ZNF718: variants seen among roughly 807,000 people sequenced by gnomAD.
The protein encoded by ZNF718 is zinc finger protein 718.
In ZNF718, 3 loss-of-function variants were observed where a neutral mutation model predicts 2.6. The observed-to-expected ratio is 1.16, with a 90% CI of 0.53 to 3.01. The LOEUF is 3.01. Ranked by LOEUF, ZNF718 falls within the 30% of genes most tolerant of loss-of-function variation. The pLI, the probability that ZNF718 is intolerant of heterozygous loss-of-function variation, is 0.03. For synonymous variants in ZNF718, 135 were observed against 77.9 expected (o/e 1.73, Z -3.86); for missense variants, 468 against 230.0 (o/e 2.03, Z -6.69).
rs143096996 is a variant in ZNF718, at chr4:149,817, TTTTGCAA to T, written c.227-11088_227-11082del. The T allele has an allele frequency of 6.6e-5, 10 of 152,270 alleles. No homozygotes were observed. The East Asian group carries it at 1.9e-3, about 29-fold the overall frequency. 9.4% of individuals were successfully genotyped at this position (152,270 alleles called of 1,614,324 possible). A position where few individuals can be genotyped will look rare whatever the true frequency, so the allele number is the denominator to read the frequency against. On this transcript the variant is annotated intron_variant, in intron 3 of 3. Transcript: ENST00000510175. ...ACATATTATTCTGTGAGACAAACAC[TTTTGCAA>T]TTTGCAGGTAATTTCTGAGGAATGT...
chr4:135,521 G>A (rs1174190837), intron 3 of ZNF718, among the ~76,000 whole-genome samples: 2 of 136,988 alleles, frequency 1.5e-5, no homozygotes, highest in Non-Finnish European at 3.2e-5. Flanking sequence ...TCCAAAGGAG[G>A]CAATCAGATG....
chr4:141,368 A>G (rs1341934976), intron 3 of ZNF718, among the ~76,000 whole-genome samples: 3 of 152,244 alleles, frequency 2.0e-5, no homozygotes, highest in Non-Finnish European at 2.9e-5. Context: ...GGCTAATTAA[A>G]CATTTTCATA....
chr4:144,206 T>A (rs1435678866), intron 3 of ZNF718, among the ~76,000 whole-genome samples: 2 of 152,228 alleles, frequency 1.3e-5, no homozygotes, highest in Non-Finnish European at 2.9e-5. Context: ...GAGTGTACTT[T>A]CATTTTTAGT....
At chr4:195,650 A>G (rs1717776061) in intron 3 of ZNF718, among the ~76,000 whole-genome samples, 1 of 152,040 alleles carries the variant, frequency 6.6e-6, no homozygotes, top group Non-Finnish European at 1.5e-5. Context: ...GTTTCCTCTA[A>G]AAGTTATTTT....
chr4:188,296 G>T (rs558812754), intron 3 of ZNF718, among the ~76,000 whole-genome samples: 1 of 150,970 alleles, frequency 6.6e-6, no homozygotes, highest in Non-Finnish European at 1.5e-5. Flanking sequence ...TGGTAAAACA[G>T]CTGTGCTGTG....
chr4:151,430 A>C (rs1168825774), intron 3 of ZNF718, among the ~76,000 whole-genome samples: 1 of 151,372 alleles, frequency 6.6e-6, no homozygotes, highest in Non-Finnish European at 1.5e-5. Flanking sequence ...CAGTCTTTTC[A>C]ATAACAGTCA....
rs782486621 is a variant in ZNF718 at position 161,781 on chromosome 4, C to G, written c.1096C>G (p.Pro366Ala). 1.3e-6 allele frequency: 1 copy of G among 780,672 alleles called. No homozygotes were observed. The highest frequency in any genetic ancestry group is 2.4e-6 in the Non-Finnish European group (1 of 417,972). 48.4% of individuals were successfully genotyped at this position (780,672 alleles called of 1,614,324 possible). A position where few individuals can be genotyped will look rare whatever the true frequency, so the allele number is the denominator to read the frequency against. ...THKRIHTGEK[P>A]YTCEECGKAF... is the part of the protein sequence containing the mutation. ...TAAGAGAATCCATACTGGAGAGAAA[C>G]CCTACACATGTGAAGAATGTGGAAA... The change falls in exon 4 of 4, where the codon CCC becomes GCC. Residue 366 changes from proline (P) to alanine (A), a missense_variant. Transcript: ENST00000510175.
At chr4:176,752 C>T (rs533371058) in intron 3 of ZNF718, among the ~76,000 whole-genome samples, 1 of 152,302 alleles carries the variant, frequency 6.6e-6, no homozygotes, top group South Asian at 2.1e-4. Context: ...AAACCCTTCT[C>T]CCAGATACTA....
chr4:155,178 G>A (rs1716507658), intron 3 of ZNF718, among the ~76,000 whole-genome samples: 1 of 152,224 alleles, frequency 6.6e-6, no homozygotes. Context: ...TTTGCTGCAG[G>A]GGTGTGGCCC....
chr4:197,064 T>C (rs965102754), intron 3 of ZNF718, among the ~76,000 whole-genome samples: 16 of 148,916 alleles, frequency 1.1e-4, no homozygotes, highest in Admixed American at 3.3e-4. Flanking sequence ...AACAAAGACC[T>C]GCCCATAACA....
intron 3 of ZNF718, chr4:150,389 TTCA>T (rs1716262883): frequency 6.6e-6 from 1 of 152,156 alleles, no homozygotes; most frequent in African/African-American, 2.4e-5. Flanking sequence ...CATGTGTATT[TTCA>T]TGTTTTTGTT....
exon 5 of ZNF718, chr4:202,251 G>C (rs1333586558): frequency 6.6e-6 from 1 of 152,206 alleles, no homozygotes; most frequent in Non-Finnish European, 1.5e-5. Context: ...ATGATTGAGA[G>C]GCCTCCCCAG....
downstream of ZNF718, among the ~76,000 whole-genome samples, chr4:168,699 T>C (rs1480446925): frequency 6.6e-6 from 1 of 152,174 alleles, no homozygotes; most frequent in Non-Finnish European, 1.5e-5. Flanking sequence ...GGTGGTGATA[T>C]CCCCTTTATC....
At chr4:149,441 G>T (rs1258584991) in intron 3 of ZNF718, among the ~76,000 whole-genome samples, 1 of 151,978 alleles carries the variant, frequency 6.6e-6, no homozygotes, top group Non-Finnish European at 1.5e-5. Context: ...AATTTTTATT[G>T]TATTCAACTC....
At chr4:170,751 A>AT (rs549786105) in intron 3 of ZNF718, among the ~76,000 whole-genome samples, 215 of 151,802 alleles carry the variant, frequency 1.4e-3, no homozygotes, top group African/African-American at 4.9e-3. Flanking sequence ...CATTCGTCTA[A>AT]TTTTTTTTCA....
chr4:172,408 G>T (rs916371700), intron 3 of ZNF718, among the ~76,000 whole-genome samples: 1 of 152,136 alleles, frequency 6.6e-6, no homozygotes, highest in Admixed American at 6.5e-5. Flanking sequence ...ATACATTTGT[G>T]TTAAAGCATG....
chr4:187,427 A>T (rs2108815164), intron 3 of ZNF718, among the ~76,000 whole-genome samples: 1 of 152,156 alleles, frequency 6.6e-6, no homozygotes, highest in Non-Finnish European at 1.5e-5. Context: ...GGGTTTCACC[A>T]TATTGGCCAG....
At chr4:182,992 T>C (rs1717498281) in intron 3 of ZNF718, among the ~76,000 whole-genome samples, 1 of 152,178 alleles carries the variant, frequency 6.6e-6, no homozygotes, top group South Asian at 2.1e-4. Context: ...GTGCAGAAGC[T>C]CTTTAGTTTA....
intron 3 of ZNF718, among the ~76,000 whole-genome samples, chr4:133,195 A>AAATAT (rs1258303094): frequency 9.6e-5 from 2 of 20,774 alleles, no homozygotes; most frequent in African/African-American, 3.4e-4. Flanking sequence ...AAAAAAAAAA[A>AAATAT]ATATATATAT....
Sources: allele counts gnomAD v4.1 joint callset (sites outside exome capture counted in the v4.1 genomes callset), GRCh38; gene constraint gnomAD v4.1.1; transcripts MANE v1.5; gene names NCBI Gene and HGNC (gene_info 2026-07-23, HGNC 2026-07-21).